CCDC141: variants seen among roughly 807,000 people sequenced by gnomAD.
CCDC141 encodes coiled-coil domain-containing protein 141.
Under a neutral mutation model 181.0 loss-of-function variants are expected in CCDC141, and 168 were observed. That is an observed-to-expected ratio of 0.93 (90% CI 0.82 to 1.05). CCDC141 has a LOEUF of 1.05. Ranked by LOEUF, CCDC141 falls within the 50% of genes least tolerant of loss-of-function variation. The pLI, the probability that CCDC141 is intolerant of heterozygous loss-of-function variation, is 0.00. For synonymous variants in CCDC141, 666 were observed against 642.3 expected (o/e 1.04, Z -0.56); for missense variants, 1,902 against 1,788.5 (o/e 1.06, Z -1.14).
At chr2:178,867,927 A>G (rs928363194) in intron 16 of CCDC141, 99 bp downstream of exon 16, 22 of 946,596 alleles carry the variant, frequency 2.3e-5, no homozygotes, top group Non-Finnish European at 3.3e-5. Flanking sequence ...TTTATTTTTA[A>G]ATTTAACATA....
rs1293671236 is a variant in CCDC141 at position 178,834,410 on chromosome 2, A to C, written c.4356T>G (p.Asp1452Glu). 1 of 1,536,400 alleles carries C rather than the reference A, an allele frequency of 6.5e-7. No homozygotes were observed. The highest frequency in any genetic ancestry group is 8.7e-7 in the Non-Finnish European group (1 of 1,146,860). ...CCTTGTGTAAAACCTGTAAGTGCCC[A>C]TCTGCAGACAATTTCTGGCCCTTCT... is the stretch of plus-strand genomic sequence containing the variant. ...WYKKGQKLSA[D>E]GHLQVLHKET... The change falls in exon 24 of 24, where the codon GAT (aspartate) becomes GAG (glutamate). Residue 1452 changes from aspartate to glutamate, a missense_variant. Coordinates refer to ENST00000443758, the MANE Select transcript of CCDC141 (RefSeq NM_173648.4).
rs113733084 is a variant in CCDC141 at position 179,016,700 on chromosome 2, ACTT to A, written c.225+30581_225+30583del. Among the ~76,000 whole-genome samples, 1,259 of 152,202 alleles carry A rather than the reference ACTT, an allele frequency of 8.3e-3. 18 individuals are homozygous for A. The highest frequency in any genetic ancestry group is 0.028 in the African/African-American group (1,160 of 41,532). ...CCTTTCGATGCATAAGCAAGAATAA[ACTT>A]CTTTCTTTTTTTAAGAATGTACTTA... On this transcript the variant is annotated intron_variant, in intron 2 of 23. Coordinates refer to ENST00000443758, the MANE Select transcript of CCDC141 (RefSeq NM_173648.4).
intron 12 of CCDC141, chr2:178,873,699 A>C (rs1256675061): frequency 6.6e-6 from 1 of 152,180 alleles, no homozygotes; most frequent in African/African-American, 2.4e-5. Flanking sequence ...CCACTCAAGA[A>C]GATTGAATAA....
chr2:179,034,518 A>G (rs1336607860), intron 2 of CCDC141, among the ~76,000 whole-genome samples: 2 of 152,220 alleles, frequency 1.3e-5, no homozygotes, highest in East Asian at 3.8e-4. Context: ...ATGTGAAAAC[A>G]TGGTCAATAT....
intron 5 of CCDC141, among the ~76,000 whole-genome samples, chr2:178,949,540 G>A (rs1489370019): frequency 1.3e-5 from 2 of 152,176 alleles, no homozygotes; most frequent in South Asian, 2.1e-4. Context: ...TTCTGGAGAA[G>A]AGAAATGGTT....
intron 2 of CCDC141, among the ~76,000 whole-genome samples, chr2:179,015,065 G>GATAT (rs1326648706): frequency 0.037 from 407 of 10,934 alleles, 52 homozygotes; most frequent in African/African-American, 0.048. Context: ...GAGAGAGACA[G>GATAT]AGATATATAT....
chr2:178,917,339 C>A lies in CCDC141; in HGVS notation c.1092+1374G>T, dbSNP rs143774357. Among the ~76,000 whole-genome samples, 563 of 152,222 alleles carry A rather than the reference C, an allele frequency of 3.7e-3. 7 individuals are homozygous for A. Among genetic ancestry groups the A allele is most frequent in the African/African-American group, 0.013 (526 of 41,540 alleles). On this transcript the variant is annotated intron_variant, in intron 7 of 23. Coordinates refer to ENST00000443758, the MANE Select transcript of CCDC141 (RefSeq NM_173648.4). ...ATCTGTTTCCTCTCTTAAAGAAATCCCAAATGACAAATAATCTGACAATAA... is the reference window on the plus strand; with the variant it reads ...ATCTGTTTCCTCTCTTAAAGAAATCACAAATGACAAATAATCTGACAATAA...
intron 19 of CCDC141, among the ~76,000 whole-genome samples, chr2:178,853,907 C>A (rs1452392856): frequency 6.6e-6 from 1 of 151,972 alleles, no homozygotes; most frequent in Non-Finnish European, 1.5e-5. Flanking sequence ...TTAGGTTTGC[C>A]TAAAATATAA....
intron 8 of CCDC141, among the ~76,000 whole-genome samples, chr2:178,892,348 G>T (rs1261565295): frequency 6.6e-6 from 1 of 152,116 alleles, no homozygotes; most frequent in Non-Finnish European, 1.5e-5. Flanking sequence ...CTCGGGAAGA[G>T]AAGTTTTCAT....
rs34625707 is a variant in CCDC141, at chr2:178,870,231, C to CAAAAAAAAAAAAAAAAAAAAAAAAAA, written c.2206-927_2206-926insTTTTTTTTTTTTTTTTTTTTTTTTTT. ...TGGGCAACAGAGTAAGACTCTGTCT[C>CAAAAAAAAAAAAAAAAAAAAAAAAAA]AAAAAAAAAAAAAAAAAAAAAAAGA... On this transcript the variant is annotated intron_variant, in intron 14 of 23. Coordinates refer to ENST00000443758, the MANE Select transcript of CCDC141 (RefSeq NM_173648.4). Among the ~76,000 whole-genome samples the CAAAAAAAAAAAAAAAAAAAAAAAAAA allele has an allele frequency of 5.1e-4, 31 of 60,288 alleles. 1 individual carries two copies. Among genetic ancestry groups the CAAAAAAAAAAAAAAAAAAAAAAAAAA allele is most frequent in the East Asian group, 2.3e-3 (5 of 2,214 alleles). The allele number at this position is 60,288 out of a possible 152,430, so 39.6% of individuals were successfully genotyped here.
At chr2:178,908,283 C>T (rs1023308180) in intron 7 of CCDC141, among the ~76,000 whole-genome samples, 2 of 152,184 alleles carry the variant, frequency 1.3e-5, no homozygotes, top group South Asian at 4.1e-4. Context: ...CAACCTCCGC[C>T]TCCTGGGTTC....
intron 22 of CCDC141, among the ~76,000 whole-genome samples, chr2:178,839,335 C>T (rs943540141): frequency 1.3e-5 from 2 of 151,668 alleles, no homozygotes; most frequent in African/African-American, 4.8e-5. Context: ...ATCTCTTGAA[C>T]CCAGAAGGCA....
intron 12 of CCDC141, chr2:178,876,445 G>C (rs1686361499): frequency 6.6e-6 from 1 of 152,216 alleles, no homozygotes; most frequent in African/African-American, 2.4e-5. Flanking sequence ...AGAATGCCTT[G>C]ATCGCTAGGA....
chr2:178,978,689 A>G lies in CCDC141; in HGVS notation c.226-14T>C. ...ATCTTCCAAAGCCTAAGTACAAAAG[A>G]AAAAGGCATAAGGCAGGGTGTTAAC... On this transcript the variant is annotated splice_polypyrimidine_tract_variant and intron_variant, in intron 2 of 23. Transcript: ENST00000443758. 1.3e-6 allele frequency: 2 copies of G among 1,504,182 alleles called. No homozygotes were observed. Among genetic ancestry groups the G allele is most frequent in the Non-Finnish European group, 1.8e-6 (2 of 1,124,454 alleles). The allele number at this position is 1,504,182 out of a possible 1,614,324, so 93.2% of individuals were successfully genotyped here. A position where few individuals can be genotyped will look rare whatever the true frequency, so the allele number is the denominator to read the frequency against.
At chr2:178,907,838 TAA>T (rs1052039105) in intron 7 of CCDC141, among the ~76,000 whole-genome samples, 1 of 146,864 alleles carries the variant, frequency 6.8e-6, no homozygotes, top group Non-Finnish European at 1.5e-5. Flanking sequence ...TACTAAAAAT[TAA>T]AAAAAAAAAT....
rs956712807 is a variant in CCDC141, at chr2:179,036,147, A to G, written c.225+11137T>C. 4.0e-4 allele frequency among the ~76,000 whole-genome samples: 61 copies of G among 152,200 alleles called. 1 individual carries two copies. The highest frequency in any genetic ancestry group is 4.0e-3 in the Admixed American group (61 of 15,270). The stretch of plus-strand genomic sequence containing the variant: ...CCAACCTTGATTCCTGGGCCAGGAC[A>G]GGGCCGAGGTCAGGAGTGTCTTTTC... On this transcript the variant is annotated intron_variant, in intron 2 of 23. Coordinates refer to ENST00000443758, the MANE Select transcript of CCDC141 (RefSeq NM_173648.4).
chr2:178,817,635 T>G, the CCDC141 span: 1 of 465,630 alleles, frequency 2.1e-6, no homozygotes, highest in East Asian at 7.0e-5. Flanking sequence ...TTCCTGGAGG[T>G]TGACAGGTCT....
At chr2:178,858,293 G>A (rs901537894) in intron 17 of CCDC141, among the ~76,000 whole-genome samples, 5 of 151,942 alleles carry the variant, frequency 3.3e-5, no homozygotes, top group African/African-American at 9.7e-5. Context: ...TACATTCTAC[G>A]GCACTCAATG....
downstream of CCDC141, among the ~76,000 whole-genome samples, chr2:178,825,141 C>T (rs906554718): frequency 2.6e-4 from 39 of 151,970 alleles, no homozygotes; most frequent in Non-Finnish European, 5.4e-4. Context: ...CCAAAATAGC[C>T]GTTTGTATTT....
Sources: allele counts gnomAD v4.1 joint callset (sites outside exome capture counted in the v4.1 genomes callset), GRCh38; gene constraint gnomAD v4.1.1; transcripts MANE v1.5; gene names NCBI Gene and HGNC (gene_info 2026-07-23, HGNC 2026-07-21).